The following RABL6 variants were observed in gnomAD, a reference collection of about 807,000 sequenced individuals.
RABL6 encodes the protein rab-like protein 6.
RABL6 carries 28 observed loss-of-function variants against 72.9 expected under a neutral mutation model. That is an observed-to-expected ratio of 0.38 (90% confidence interval 0.28 to 0.53). The LOEUF (loss-of-function observed/expected upper bound fraction) is 0.53, where lower values mean the gene tolerates loss of function less well. RABL6 is among the 20% of genes least tolerant of loss of function. The pLI is 0.80. For synonymous variants in RABL6, 477 were observed against 421.2 expected (o/e 1.13, Z -1.62); for missense variants, 1,029 against 1,008.4 (o/e 1.02, Z -0.28).
chr9:136,830,312 C>T (rs919153914), intron 5 of RABL6, among the ~76,000 whole-genome samples: 13 of 152,264 alleles, frequency 8.5e-5, no homozygotes, highest in African/African-American at 2.4e-4. Context: ...GGCCTGAGGG[C>T]GGCTTGAAGC....
Position 136,828,565 on chromosome 9 carries a change from G to T in RABL6, c.366+19G>T. 6.2e-7 allele frequency: 1 copy of T among 1,611,958 alleles called. No individual in the cohort carries two copies. Among genetic ancestry groups the T allele is most frequent in the South Asian group, 1.1e-5 (1 of 91,022 alleles). On this transcript the variant is annotated intron_variant, in intron 4 of 14. Transcript: ENST00000311502. The stretch of plus-strand genomic sequence containing the variant: ...CCAGGAGGTGAGTGCCAGGTACACA[G>T]TGGGTAGCAGTGGCTCAGGGCCCCG...
chr9:136,838,651 C>T (rs764652527), intron 10 of RABL6, among the ~76,000 whole-genome samples: 11 of 152,174 alleles, frequency 7.2e-5, no homozygotes, highest in Non-Finnish European at 1.3e-4. Flanking sequence ...CCTCCACGAG[C>T]GCCCACTTGT....
chr9:136,839,018 A>C lies in RABL6; in HGVS notation c.1390A>C (p.Ser464Arg). 1 of 1,612,450 alleles carries C rather than the reference A, an allele frequency of 6.2e-7. No homozygotes were observed. The highest frequency in any genetic ancestry group is 8.5e-7 in the Non-Finnish European group (1 of 1,179,728). The change falls in exon 11 of 15, where the codon AGT (serine) becomes CGT (arginine). Residue 464 changes from serine (S) to arginine (R), a missense_variant. Transcript: ENST00000311502. ...SPPLPAGPVP[S>R]QDITLSSEEE... ...CCCGCTGCCTGCAGGCCCCGTCCCC[A>C]GTCAAGACATCACTCTTTCGAGTGA...
chr9:136,837,818 G>C (rs1035038299), intron 9 of RABL6, 44 bp from the exon 10 acceptor site: 1 of 1,543,878 alleles, frequency 6.5e-7, no homozygotes, highest in East Asian at 2.4e-5. Flanking sequence ...GTGCAGTGAG[G>C]GTTCTGGTGC....
intron 4 of RABL6, 49 bp from the exon 5 acceptor site, chr9:136,829,344 G>T (rs1419562919): frequency 6.9e-7 from 1 of 1,444,598 alleles, no homozygotes; most frequent in South Asian, 1.2e-5. Context: ...GGCCACACGG[G>T]TGGGGCCCAG....
At chr9:136,838,755 C>T (rs1186788778) in intron 10 of RABL6, among the ~76,000 whole-genome samples, 154 bp from the exon 11 acceptor site, 1 of 151,456 alleles carries the variant, frequency 6.6e-6, no homozygotes, top group Non-Finnish European at 1.5e-5. Flanking sequence ...AGCCCTGTGA[C>T]CATGAGGGGG....
At position 136,828,419 on chromosome 9, in the gene RABL6, T is replaced by C. The variant is rs1305255631; in HGVS notation, c.314-75T>C. ...GCTGGAGCTGGGGGCTGAGTGGCCA[T>C]GGGGGGACCATGCTCCTCCTATGGC... is the stretch of plus-strand genomic sequence containing the variant. On this transcript the variant is annotated intron_variant, in intron 3 of 14. Coordinates refer to ENST00000311502, the MANE Select transcript of RABL6 (RefSeq NM_024718.5). 4 of 1,500,830 alleles carry C rather than the reference T, an allele frequency of 2.7e-6. No individual in the cohort carries two copies. In the Admixed American group the frequency reaches 5.2e-5, roughly 20 times the overall value. 93.0% of individuals were successfully genotyped at this position (1,500,830 alleles called of 1,614,324 possible).
chr9:136,837,936 C>G lies in RABL6; in HGVS notation c.1201C>G (p.Arg401Gly). The change falls in exon 10 of 15, where the codon CGC becomes GGC. Residue 401 changes from arginine (R) to glycine (G), a missense_variant. Transcript: ENST00000311502. ...EDFVPDDRLDRSFLEDTTPAR... is the reference protein window; with the variant it reads ...EDFVPDDRLDGSFLEDTTPAR... ...CTTTGTTCCTGACGACCGCCTGGACCGCAGCTTCCTGGAAGACACAACCCC... is the reference window on the plus strand; with the variant it reads ...CTTTGTTCCTGACGACCGCCTGGACGGCAGCTTCCTGGAAGACACAACCCC... 6.4e-7 allele frequency: 1 copy of G among 1,560,066 alleles called. No homozygotes were observed. The highest frequency in any genetic ancestry group is 8.7e-7 in the Non-Finnish European group (1 of 1,152,898).
At position 136,840,652 on chromosome 9, in the gene RABL6, C is replaced by T; in HGVS notation, c.*130C>T. The T allele has an allele frequency of 5.2e-6, 8 of 1,549,592 alleles. No homozygotes were observed. Among genetic ancestry groups the T allele is most frequent in the Non-Finnish European group, 7.0e-6 (8 of 1,146,836 alleles). ...GTGTGCGCTTCTGAGCTGGAAGAGG[C>T]CGGGCATTGGTGGTCCCCAGGCTGG... On this transcript the variant is annotated 3_prime_UTR_variant, in exon 15 of 15. Transcript: ENST00000311502.
chr9:136,825,660 C>A, intron 2 of RABL6, 119 bp from the exon 3 acceptor site: 1 of 1,104,656 alleles, frequency 9.1e-7, no homozygotes, highest in Non-Finnish European at 1.4e-6. Context: ...TCTGGACACT[C>A]GGAAGTCCTG....
rs571068835 is a variant in RABL6, at chr9:136,828,944, C to T, written c.366+398C>T. Reference sequence around the variant, plus strand: ...AACCTGAGCCCGACACACCCAGGGCCTCGCACTCTCCGTGCGGTGCCTCCC... The same window carrying T: ...AACCTGAGCCCGACACACCCAGGGCTTCGCACTCTCCGTGCGGTGCCTCCC... On this transcript the variant is annotated intron_variant, in intron 4 of 14. Coordinates refer to ENST00000311502, the MANE Select transcript of RABL6 (RefSeq NM_024718.5). 2.6e-5 allele frequency among the ~76,000 whole-genome samples: 4 copies of T among 152,344 alleles called. No homozygotes were observed. In the South Asian group the frequency reaches 8.3e-4, roughly 32 times the overall value.
At chr9:136,828,932 C>T (rs1848414123) in intron 4 of RABL6, among the ~76,000 whole-genome samples, 1 of 152,238 alleles carries the variant, frequency 6.6e-6, no homozygotes, top group African/African-American at 2.4e-5. Flanking sequence ...CTGAGCCCGA[C>T]ACACCCAGGG....
intron 4 of RABL6, 35 bp downstream of exon 4, chr9:136,828,581 C>G (rs1469328130): frequency 1.2e-6 from 2 of 1,607,622 alleles, no homozygotes; most frequent in African/African-American, 2.7e-5. Context: ...AGCAGTGGCT[C>G]AGGGCCCCGG....
chr9:136,840,441 T>A lies in RABL6; in HGVS notation c.2109T>A (p.Ala703=). Residue 703 remains alanine, a synonymous_variant, in exon 15 of 15, where the codon GCT becomes GCA. Coordinates refer to ENST00000311502, the MANE Select transcript of RABL6 (RefSeq NM_024718.5). Reference sequence around the variant, plus strand: ...CCCCGCGCAGCAGGGAGAGGACGGCTGCCGATGAGCTGGAGGCTTTCCTGG... The same window carrying A: ...CCCCGCGCAGCAGGGAGAGGACGGCAGCCGATGAGCTGGAGGCTTTCCTGG... ...QRPPRSRERT[A]ADELEAFLGG... 1 of 1,547,952 alleles carries A rather than the reference T, an allele frequency of 6.5e-7. No individual in the cohort carries two copies. Among genetic ancestry groups the A allele is most frequent in the South Asian group, 1.2e-5 (1 of 83,948 alleles).
At chr9:136,835,901 G>C in intron 8 of RABL6, 56 bp downstream of exon 8, 2 of 1,475,702 alleles carry the variant, frequency 1.4e-6, no homozygotes, top group Non-Finnish European at 1.8e-6. Context: ...CGTGGCCGTG[G>C]TGCAGGGCCA....
chr9:136,834,727 TTGG>T (rs1848553839), intron 7 of RABL6, among the ~76,000 whole-genome samples: 1 of 152,032 alleles, frequency 6.6e-6, no homozygotes, highest in South Asian at 2.1e-4. Flanking sequence ...TCTGCCCGCC[TTGG>T]CCCCCCCAAA....
chr9:136,831,997 G>A (rs531056038), intron 6 of RABL6, 136 bp downstream of exon 6: 731 of 1,306,442 alleles, frequency 5.6e-4, no homozygotes, highest in Non-Finnish European at 6.7e-4. Flanking sequence ...CGCTGAGTGG[G>A]GCTCACTGAA....
intron 7 of RABL6, 142 bp downstream of exon 7, chr9:136,832,512 C>T (rs1848498962): frequency 1.0e-5 from 8 of 763,212 alleles, no homozygotes; most frequent in South Asian, 2.9e-5. Context: ...AAGGGCCCAG[C>T]GTTCTACTGC....
In RABL6 at chr9:136,807,978, C is replaced by T. The variant is rs1308042585; in HGVS notation, c.-219C>T. The T allele has an allele frequency of 9.0e-6, 9 of 1,005,284 alleles. No homozygotes were observed. The highest frequency in any genetic ancestry group is 6.0e-5 in the Admixed American group (1 of 16,768). 62.3% of individuals were successfully genotyped at this position (1,005,284 alleles called of 1,614,324 possible). A position where few individuals can be genotyped will look rare whatever the true frequency, so the allele number is the denominator to read the frequency against. On this transcript the variant is annotated 5_prime_UTR_variant, in exon 1 of 15. Transcript: ENST00000311502. ...GCGGCGCTGACTCCTGGAGAGCGGT[C>T]GCGCCGGAGGCCGCGGGGGCCGGAG...
Sources: allele counts gnomAD v4.1 joint callset (sites outside exome capture counted in the v4.1 genomes callset), GRCh38; gene constraint gnomAD v4.1.1; transcripts MANE v1.5; gene names NCBI Gene and HGNC (gene_info 2026-07-23, HGNC 2026-07-21).